PTPRM: variants seen among roughly 807,000 people sequenced by gnomAD.
The protein encoded by PTPRM is protein tyrosine phosphatase receptor type M.
Under a neutral mutation model 186.7 loss-of-function variants are expected in PTPRM, and 47 were observed. The observed-to-expected ratio is 0.25, with a 90% CI of 0.20 to 0.32. The LOEUF is 0.32. PTPRM is among the 10% of genes least tolerant of loss of function. PTPRM has a pLI of 1.00. For missense variants in PTPRM, 1,494 were observed against 1,865.0 expected (o/e 0.80, Z 3.66); for synonymous variants, 668 against 674.9 (o/e 0.99, Z 0.16).
chr18:8,240,462 A>G (rs74605606), intron 14 of PTPRM, among the ~76,000 whole-genome samples: 26,574 of 61,856 alleles, frequency 0.43, 6,163 homozygotes, highest in Middle Eastern at 0.56. Context: ...AGAGAGAGAG[A>G]GAGGGAGGGA....
intron 13 of PTPRM, among the ~76,000 whole-genome samples, chr18:8,139,062 A>G (rs1013495057): frequency 3.9e-5 from 6 of 151,914 alleles, no homozygotes; most frequent in African/African-American, 1.5e-4. Context: ...TTTATCTTCT[A>G]CACCCAGATC....
intron 19 of PTPRM, among the ~76,000 whole-genome samples, chr18:8,270,867 C>T (rs1601572836): frequency 6.6e-6 from 1 of 151,982 alleles, no homozygotes; most frequent in East Asian, 1.9e-4. Flanking sequence ...AGATGTTGGT[C>T]AAAAGGTACA....
intron 14 of PTPRM, among the ~76,000 whole-genome samples, chr18:8,230,552 C>T (rs2094274137): frequency 6.6e-6 from 1 of 152,352 alleles, no homozygotes; most frequent in South Asian, 2.1e-4. Context: ...CTTAGCACCA[C>T]TGTGCCTCAG....
chr18:7,567,347 G>T lies in PTPRM; in HGVS notation c.-472G>T, dbSNP rs982786403. 1 of 148,650 alleles carries T rather than the reference G, an allele frequency of 6.7e-6. No homozygotes were observed. The highest frequency in any genetic ancestry group is 2.4e-5 in the African/African-American group (1 of 41,068). The allele number at this position is 148,650 out of a possible 1,614,324, so 9.2% of individuals were successfully genotyped here. ...TCGGGGAGCAAGAGCCCCGCGCGCA[G>T]CCGGCGCGGGCTCGGTCATCGGCGC... On this transcript the variant is annotated 5_prime_UTR_variant, in exon 1 of 33. Transcript: ENST00000580170. The surrounding 1 kb of genome is among the most constrained non-coding windows in gnomAD (Gnocchi z 4.3).
At chr18:8,277,597 A>G (rs971356869) in intron 19 of PTPRM, among the ~76,000 whole-genome samples, 2 of 152,274 alleles carry the variant, frequency 1.3e-5, no homozygotes, top group African/African-American at 2.4e-5. Context: ...ATATAGAAAT[A>G]GACATACTTC....
intron 14 of PTPRM, among the ~76,000 whole-genome samples, chr18:8,183,849 C>A (rs1421877534): frequency 6.6e-6 from 1 of 152,154 alleles, no homozygotes; most frequent in Non-Finnish European, 1.5e-5. Flanking sequence ...CTAGGTGGAA[C>A]CGGCCTGCCA....
At chr18:8,048,676 C>G (rs2087245143) in intron 7 of PTPRM, among the ~76,000 whole-genome samples, 1 of 151,676 alleles carries the variant, frequency 6.6e-6, no homozygotes, top group Non-Finnish European at 1.5e-5. Context: ...TTTTGTGAAA[C>G]CATTTGCGTA....
At chr18:7,719,843 CA>C (rs2144849314) in intron 1 of PTPRM, among the ~76,000 whole-genome samples, 1 of 152,226 alleles carries the variant, frequency 6.6e-6, no homozygotes, top group Admixed American at 6.5e-5. Flanking sequence ...TCCAAACAAT[CA>C]ATGAGAAAAC....
At chr18:7,725,560 C>G (rs2040531015) in intron 1 of PTPRM, among the ~76,000 whole-genome samples, 1 of 145,666 alleles carries the variant, frequency 6.9e-6, no homozygotes, top group Admixed American at 6.6e-5. Context: ...AACCCCCATC[C>G]TGTGCCTATA....
chr18:8,310,640 C>T (rs1425383124), intron 20 of PTPRM, among the ~76,000 whole-genome samples: 1 of 151,924 alleles, frequency 6.6e-6, no homozygotes, highest in Non-Finnish European at 1.5e-5. Context: ...TAGGTCAGGA[C>T]CCATGCCATT....
In PTPRM at chr18:7,578,749, A is replaced by G. The variant is rs901936833; in HGVS notation, c.73+10858A>G. Among the ~76,000 whole-genome samples the G allele has an allele frequency of 3.3e-5, 5 of 151,982 alleles. No homozygotes were observed. In the South Asian group the frequency reaches 8.3e-4, roughly 25 times the overall value. On this transcript the variant is annotated intron_variant, in intron 1 of 32. Transcript: ENST00000580170. ...CAGCCTCCCAAAGTGCTGGGATTAC[A>G]GGCGTGAGCTGCTAATGCCCAGCCT...
chr18:8,284,269 C>G (rs2094932790), intron 19 of PTPRM, among the ~76,000 whole-genome samples: 1 of 152,154 alleles, frequency 6.6e-6, no homozygotes, highest in African/African-American at 2.4e-5. Flanking sequence ...AGTTTAATCC[C>G]AAACCTTGTA....
At chr18:8,266,527 C>A (rs2094702847) in intron 19 of PTPRM, among the ~76,000 whole-genome samples, 1 of 152,212 alleles carries the variant, frequency 6.6e-6, no homozygotes, top group Non-Finnish European at 1.5e-5. Context: ...TTTGACCAGT[C>A]ATGTCACGGA....
intron 1 of PTPRM, among the ~76,000 whole-genome samples, chr18:7,728,998 A>G (rs1442547289): frequency 6.6e-6 from 1 of 151,202 alleles, no homozygotes; most frequent in African/African-American, 2.4e-5. Flanking sequence ...GCAGTCTTGA[A>G]TTCCTGGCCT....
intron 24 of PTPRM, 135 bp from the exon 25 acceptor site, chr18:8,375,911 T>C (rs1257184860): frequency 1.1e-6 from 1 of 923,800 alleles, no homozygotes. Context: ...GATGGCCTCT[T>C]TCCCCAGCAG....
intron 21 of PTPRM, among the ~76,000 whole-genome samples, chr18:8,317,391 G>A (rs1568734849): frequency 6.6e-6 from 1 of 152,104 alleles, no homozygotes; most frequent in Admixed American, 6.5e-5. Flanking sequence ...TTAGGTGTGT[G>A]AAGCTTTAAA....
At chr18:8,268,135 T>C (rs1038179435) in intron 19 of PTPRM, among the ~76,000 whole-genome samples, 1 of 152,170 alleles carries the variant, frequency 6.6e-6, no homozygotes, top group African/African-American at 2.4e-5. Flanking sequence ...ATAGTTTTGT[T>C]TGAAATTGCA....
chr18:7,884,952 G>GA (rs1555632270), intron 2 of PTPRM, among the ~76,000 whole-genome samples: 83 of 76,474 alleles, frequency 1.1e-3, no homozygotes, highest in Middle Eastern at 8.5e-3. Flanking sequence ...AAAAAAAAAA[G>GA]GAGAGAGAGA....
intron 1 of PTPRM, among the ~76,000 whole-genome samples, chr18:7,656,264 T>G (rs1470065757): frequency 1.3e-5 from 2 of 152,220 alleles, no homozygotes; most frequent in Non-Finnish European, 2.9e-5. Flanking sequence ...GGGACACGTG[T>G]TACAACACAA....
Sources: gnomAD v4.1 joint callset for allele counts (sites outside exome capture counted in the v4.1 genomes callset) on GRCh38, gnomAD v4.1.1 for gene constraint, Gnocchi (gnomAD v3.1) non-coding constraint, MANE v1.5 for transcripts, NCBI Gene and HGNC (gene_info 2026-07-23, HGNC 2026-07-21) for gene names.